Variants in OPCML observed in about 807,000 individuals in gnomAD.
OPCML encodes the protein opioid-binding protein/cell adhesion molecule.
OPCML carries 13 observed loss-of-function variants against 37.8 expected under a neutral mutation model. The ratio of observed to expected loss-of-function variants is 0.34; its 90% CI spans 0.22 to 0.55. The LOEUF (loss-of-function observed/expected upper bound fraction) is 0.55. Among genes scored for constraint, OPCML ranks in the 20% least tolerant of loss-of-function variants. OPCML has a pLI of 0.91. For synonymous variants in OPCML, 176 were observed against 168.8 expected (o/e 1.04, Z -0.33); for missense variants, 341 against 435.6 (o/e 0.78, Z 1.93).
chr11:132,479,909 A>G (rs1357618897), intron 4 of OPCML, among the ~76,000 whole-genome samples: 1 of 152,216 alleles, frequency 6.6e-6, no homozygotes, highest in African/African-American at 2.4e-5. Flanking sequence ...GATAAAACAC[A>G]AAGATGGGGA....
intron 1 of OPCML, among the ~76,000 whole-genome samples, chr11:133,403,425 T>G (rs1277361779): frequency 6.6e-6 from 1 of 152,200 alleles, no homozygotes; most frequent in African/African-American, 2.4e-5. Context: ...CAATCCTATA[T>G]AAATATATAC....
At chr11:132,632,839 C>T (rs529335670) in intron 3 of OPCML, among the ~76,000 whole-genome samples, 1 of 151,918 alleles carries the variant, frequency 6.6e-6, no homozygotes, top group African/African-American at 2.4e-5. Flanking sequence ...TCCAACTGTT[C>T]AGATGGGCAG....
At position 133,170,396 on chromosome 11, in the gene OPCML, G is replaced by C. The variant is rs547737746; in HGVS notation, c.62-227386C>G. ...AGCTACTCTGGAGGCTGAGGCAGGAGAATGGCGTGAACCCAGGAGGCAGAG... is the reference window on the plus strand; with the variant it reads ...AGCTACTCTGGAGGCTGAGGCAGGACAATGGCGTGAACCCAGGAGGCAGAG... On this transcript the variant is annotated intron_variant, in intron 1 of 7. Transcript: ENST00000524381. 4.6e-5 allele frequency among the ~76,000 whole-genome samples: 7 copies of C among 152,346 alleles called. No individual in the cohort carries two copies. In the East Asian group the frequency reaches 1.4e-3, roughly 29 times the overall value.
chr11:132,520,674 ATGTGTG>A (rs1555144701), intron 4 of OPCML, among the ~76,000 whole-genome samples: 5 of 128,016 alleles, frequency 3.9e-5, no homozygotes, highest in African/African-American at 1.2e-4. Context: ...CTAAATATAT[ATGTGTG>A]TGTGTGTGTG....
chr11:133,139,949 G>C (rs1949742650), intron 1 of OPCML, among the ~76,000 whole-genome samples: 2 of 152,086 alleles, frequency 1.3e-5, no homozygotes, highest in Admixed American at 6.6e-5. Flanking sequence ...CACTTTGGGA[G>C]GCCAAGATGG....
At chr11:132,480,934 A>G (rs1249112152) in intron 4 of OPCML, among the ~76,000 whole-genome samples, 1 of 152,192 alleles carries the variant, frequency 6.6e-6, no homozygotes, top group Non-Finnish European at 1.5e-5. Flanking sequence ...TGTAAAGACC[A>G]TCGAGACTAG....
intron 1 of OPCML, among the ~76,000 whole-genome samples, chr11:133,201,534 A>G (rs1325750043): frequency 6.6e-6 from 1 of 152,142 alleles, no homozygotes; most frequent in East Asian, 1.9e-4. Context: ...ATCATAAGTA[A>G]GTAGGTAAGT....
chr11:132,437,183 G>A lies in OPCML; in HGVS notation c.643+39C>T, dbSNP rs57269946. 1,032 of 1,603,642 alleles carry A rather than the reference G, an allele frequency of 6.4e-4. 6 individuals carry two copies. In the African/African-American group the frequency reaches 0.011, roughly 16 times the overall value. On this transcript the variant is annotated intron_variant, in intron 5 of 7. Transcript: ENST00000524381. ...AGATTGTCCACCTACTCCCTGTGCC[G>A]TCTTTTCCCCAGAACCCCCTGGCTG...
intron 4 of OPCML, among the ~76,000 whole-genome samples, chr11:132,479,524 C>T (rs1291394331): frequency 2.0e-5 from 3 of 152,232 alleles, no homozygotes; most frequent in Admixed American, 1.3e-4. Context: ...GAGCCCACCA[C>T]AGCTCAAGGA....
At chr11:132,718,887 A>T (rs1270950479) in intron 2 of OPCML, among the ~76,000 whole-genome samples, 1 of 152,222 alleles carries the variant, frequency 6.6e-6, no homozygotes, top group Non-Finnish European at 1.5e-5. Flanking sequence ...ACAGATGAGC[A>T]TCTGAGCACG....
At chr11:132,626,878 A>T (rs1939780392) in intron 3 of OPCML, among the ~76,000 whole-genome samples, 1 of 150,300 alleles carries the variant, frequency 6.7e-6, no homozygotes, top group African/African-American at 2.4e-5. Flanking sequence ...AGACACACAC[A>T]TACATATACA....
chr11:132,821,043 A>T (rs983033790), intron 2 of OPCML, among the ~76,000 whole-genome samples: 8 of 152,186 alleles, frequency 5.3e-5, no homozygotes, highest in Non-Finnish European at 1.5e-5. Flanking sequence ...GGGTGATGGA[A>T]CCACAAGGAA....
chr11:132,453,913 T>C (rs2096074849), intron 4 of OPCML, among the ~76,000 whole-genome samples: 1 of 152,218 alleles, frequency 6.6e-6, no homozygotes, highest in Admixed American at 6.5e-5. Context: ...TGCTGATGAC[T>C]CTTGGCTAAG....
chr11:132,999,506 G>T (rs1057242560), intron 1 of OPCML, among the ~76,000 whole-genome samples: 1 of 151,238 alleles, frequency 6.6e-6, no homozygotes, highest in East Asian at 1.9e-4. Context: ...TCACTTTAGA[G>T]GGAGCTTATT....
chr11:133,027,492 G>GT (rs1480239716), intron 1 of OPCML, among the ~76,000 whole-genome samples: 2 of 125,500 alleles, frequency 1.6e-5, no homozygotes, highest in African/African-American at 6.9e-5. Flanking sequence ...TGTGTGTGTT[G>GT]TGTGTGTGTG....
chr11:133,492,565 A>G (rs1250366752), intron 1 of OPCML, among the ~76,000 whole-genome samples: 2 of 152,124 alleles, frequency 1.3e-5, no homozygotes, highest in Non-Finnish European at 2.9e-5. Flanking sequence ...GAATGGAGAG[A>G]TAAGTCATTA....
chr11:132,784,510 T>G (rs529565945), intron 2 of OPCML, among the ~76,000 whole-genome samples: 7 of 152,270 alleles, frequency 4.6e-5, no homozygotes, highest in African/African-American at 1.4e-4. Flanking sequence ...CTGACTCACT[T>G]GCTCCAGCAA....
At chr11:132,573,703 G>C (rs1033131559) in intron 3 of OPCML, among the ~76,000 whole-genome samples, 2 of 151,870 alleles carry the variant, frequency 1.3e-5, no homozygotes, top group African/African-American at 4.8e-5. Flanking sequence ...TTTTCCTGTG[G>C]TGTTTATTTG....
At chr11:133,026,491 G>C in intron 1 of OPCML, 1 of 985,362 alleles carries the variant, frequency 1.0e-6, no homozygotes, top group Non-Finnish European at 1.2e-6. Flanking sequence ...CCACGCAGTA[G>C]GTTTTGTCCT....
Sources: allele counts gnomAD v4.1 joint callset (sites outside exome capture counted in the v4.1 genomes callset), GRCh38; gene constraint gnomAD v4.1.1; transcripts MANE v1.5; gene names NCBI Gene and HGNC (gene_info 2026-07-23, HGNC 2026-07-21).